CCDC146: variants seen among roughly 807,000 people sequenced by gnomAD.
The protein encoded by CCDC146 is coiled-coil domain-containing protein 146.
Under a neutral mutation model 119.3 loss-of-function variants are expected in CCDC146, and 92 were observed. The observed-to-expected ratio is 0.77, with a 90% CI of 0.65 to 0.92. The LOEUF is 0.92. CCDC146 is among the 40% of genes least tolerant of loss of function. The pLI is 0.00. For synonymous variants in CCDC146, 372 were observed against 371.8 expected (o/e 1.00, Z -0.01); for missense variants, 1,000 against 1,103.0 (o/e 0.91, Z 1.32).
chr7:77,217,085 T>C (rs1489857908), intron 2 of CCDC146, among the ~76,000 whole-genome samples: 1 of 152,168 alleles, frequency 6.6e-6, no homozygotes, highest in East Asian at 1.9e-4. Flanking sequence ...CAGATTCATG[T>C]TTATATGATC....
intron 4 of CCDC146, among the ~76,000 whole-genome samples, chr7:77,247,005 T>C (rs1192879184): frequency 1.3e-5 from 2 of 152,190 alleles, no homozygotes; most frequent in Non-Finnish European, 2.9e-5. Flanking sequence ...AAAGTCTGTT[T>C]AGCAACTTAG....
chr7:77,177,234 G>A (rs1791514161), intron 2 of CCDC146, among the ~76,000 whole-genome samples: 1 of 152,008 alleles, frequency 6.6e-6, no homozygotes, highest in Non-Finnish European at 1.5e-5. Flanking sequence ...AGTTACTAAT[G>A]AGCTTCTTGA....
At chr7:77,286,346 C>A (rs141036046) in intron 15 of CCDC146, among the ~76,000 whole-genome samples, 13 of 152,260 alleles carry the variant, frequency 8.5e-5, no homozygotes, top group African/African-American at 3.1e-4. Context: ...TTCATGAAGG[C>A]CCCATCCTGC....
In CCDC146 at chr7:77,280,736, T is replaced by C. The variant is rs554138387; in HGVS notation, c.1919+83T>C. ...TTTTCTATCTAGACTTGACAGTGAA[T>C]AGTGAGGGAAATGTGATATTCAGGT... On this transcript the variant is annotated intron_variant, in intron 14 of 18. Coordinates refer to ENST00000285871, the MANE Select transcript of CCDC146 (RefSeq NM_020879.3). The C allele has an allele frequency of 2.0e-5, 18 of 908,494 alleles. No individual in the cohort carries two copies. The South Asian group carries it at 2.0e-4, about 10-fold the overall frequency. The allele number at this position is 908,494 out of a possible 1,614,324, so 56.3% of individuals were successfully genotyped here.
chr7:77,211,568 T>C (rs573255974), intron 2 of CCDC146, among the ~76,000 whole-genome samples: 1 of 152,126 alleles, frequency 6.6e-6, no homozygotes, highest in South Asian at 2.1e-4. Context: ...TGGAATTGCT[T>C]TGTTACAGGG....
chr7:77,286,846 A>C lies in CCDC146; in HGVS notation c.2197A>C (p.Lys733Gln), dbSNP rs771262562. The C allele has an allele frequency of 6.2e-7, 1 of 1,614,024 alleles. No individual in the cohort carries two copies. Among genetic ancestry groups the C allele is most frequent in the East Asian group, 2.2e-5 (1 of 44,880 alleles). Reference protein sequence around the residue: ...RIKDLEKQFVKPDGENRARFL... With the variant: ...RIKDLEKQFVQPDGENRARFL... ...TAAAGACCTGGAGAAACAGTTCGTA[A>C]AGCCTGATGGTGAGAATAGAGCTCG... The change falls in exon 16 of 19, where the codon AAG (lysine) becomes CAG (glutamine). Residue 733 changes from lysine to glutamine, a missense_variant. Transcript: ENST00000285871.
chr7:77,165,486 G>C (rs926428664), intron 1 of CCDC146, among the ~76,000 whole-genome samples: 1 of 152,030 alleles, frequency 6.6e-6, no homozygotes, highest in Non-Finnish European at 1.5e-5. Flanking sequence ...CAAGCAAATA[G>C]GCCTGTGGCC....
At chr7:77,279,343 C>G (rs1361567689) in intron 13 of CCDC146, among the ~76,000 whole-genome samples, 3 of 152,066 alleles carry the variant, frequency 2.0e-5, no homozygotes, top group Non-Finnish European at 2.9e-5. Context: ...AGCCCTTGTT[C>G]AAACATCTTG....
chr7:77,284,864 C>T (rs1793821749), intron 15 of CCDC146, among the ~76,000 whole-genome samples: 1 of 151,936 alleles, frequency 6.6e-6, no homozygotes, highest in Non-Finnish European at 1.5e-5. Context: ...ATCATGTGTA[C>T]CCTTGAAGGA....
rs1382433374 is a variant in CCDC146 at position 77,259,995 on chromosome 7, T to C, written c.759-14T>C. On this transcript the variant is annotated splice_polypyrimidine_tract_variant and intron_variant, in intron 7 of 18. Coordinates refer to ENST00000285871, the MANE Select transcript of CCDC146 (RefSeq NM_020879.3). ...GTGTGTGTGTGTGTGTGTGTGTGTG[T>C]GTATCCCCTACAGAGAAATGGAAAA... is the stretch of plus-strand genomic sequence containing the variant. 2 of 686,838 alleles carry C rather than the reference T, an allele frequency of 2.9e-6. No homozygotes were observed. The highest frequency in any genetic ancestry group is 4.8e-5 in the African/African-American group (2 of 41,280). The allele number at this position is 686,838 out of a possible 1,614,324, so 42.5% of individuals were successfully genotyped here.
At chr7:77,207,955 G>GA (rs1223725524) in intron 2 of CCDC146, among the ~76,000 whole-genome samples, 1 of 152,152 alleles carries the variant, frequency 6.6e-6, no homozygotes, top group African/African-American at 2.4e-5. Flanking sequence ...CACTTACTTT[G>GA]CATTTATTGG....
chr7:77,133,828 T>TACACACAC (rs142218364), intron 1 of CCDC146, among the ~76,000 whole-genome samples: 1,710 of 143,754 alleles, frequency 0.012, 11 homozygotes, highest in Middle Eastern at 0.018. Flanking sequence ...TATGCTTAGG[T>TACACACAC]ACACACACAC....
At chr7:77,162,365 G>A (rs1791275067) in intron 1 of CCDC146, among the ~76,000 whole-genome samples, 1 of 152,144 alleles carries the variant, frequency 6.6e-6, no homozygotes, top group African/African-American at 2.4e-5. Flanking sequence ...TTGGCATGTG[G>A]CTATCCAATT....
chr7:77,263,047 T>C (rs1793332306), intron 9 of CCDC146, among the ~76,000 whole-genome samples: 1 of 152,200 alleles, frequency 6.6e-6, no homozygotes, highest in Non-Finnish European at 1.5e-5. Context: ...CCCCGTTCTC[T>C]TCAGGACTGT....
chr7:77,207,703 G>C (rs1792106475), intron 2 of CCDC146, among the ~76,000 whole-genome samples: 1 of 152,132 alleles, frequency 6.6e-6, no homozygotes, highest in African/African-American at 2.4e-5. Flanking sequence ...TCTTGCCACT[G>C]AACTAAGCCT....
chr7:77,175,192 T>C (rs1191787535), intron 2 of CCDC146, among the ~76,000 whole-genome samples: 3 of 151,324 alleles, frequency 2.0e-5, no homozygotes, highest in Admixed American at 1.3e-4. Context: ...CTTAATGCTG[T>C]GAGCCAAAAT....
intron 15 of CCDC146, among the ~76,000 whole-genome samples, chr7:77,284,612 A>G (rs1275175398): frequency 1.3e-5 from 2 of 151,770 alleles, no homozygotes; most frequent in African/African-American, 2.4e-5. Flanking sequence ...CAATACTTCC[A>G]TTCAGTGGAT....
intron 2 of CCDC146, among the ~76,000 whole-genome samples, chr7:77,191,859 G>A (rs925421239): frequency 1.3e-5 from 2 of 151,854 alleles, no homozygotes; most frequent in Non-Finnish European, 1.5e-5. Context: ...GCAGTGAGCC[G>A]AGATGGTGCT....
chr7:77,218,087 A>G (rs1054001818), intron 2 of CCDC146, among the ~76,000 whole-genome samples: 1 of 152,130 alleles, frequency 6.6e-6, no homozygotes, highest in African/African-American at 2.4e-5. Context: ...GTTGTGCTAC[A>G]ATGTCAGGAC....
Sources: gnomAD v4.1 joint callset for allele counts (sites outside exome capture counted in the v4.1 genomes callset) on GRCh38, gnomAD v4.1.1 for gene constraint, MANE v1.5 for transcripts, NCBI Gene and HGNC (gene_info 2026-07-23, HGNC 2026-07-21) for gene names.